The following ATP6V1H variants were observed in gnomAD, a reference collection of about 807,000 sequenced individuals.
ATP6V1H encodes the protein V-type proton ATPase subunit H.
A neutral mutation model predicts 71.7 loss-of-function variants in ATP6V1H; 39 were observed. That is an observed-to-expected ratio of 0.54 (90% CI 0.42 to 0.71). The LOEUF (loss-of-function observed/expected upper bound fraction) is 0.71, where lower values mean the gene tolerates loss of function less well. Ranked by LOEUF, ATP6V1H falls within the 30% of genes least tolerant of loss-of-function variation. ATP6V1H has a pLI of 0.00. For synonymous variants in ATP6V1H, 192 were observed against 199.3 expected (o/e 0.96, Z 0.31); for missense variants, 509 against 594.9 (o/e 0.86, Z 1.50).
chr8:53,793,510 T>A (rs998128391), intron 9 of ATP6V1H, among the ~76,000 whole-genome samples: 1 of 152,000 alleles, frequency 6.6e-6, no homozygotes, highest in Non-Finnish European at 1.5e-5. Context: ...CCAGGCTCGG[T>A]GGCATGCACC....
intron 11 of ATP6V1H, among the ~76,000 whole-genome samples, chr8:53,765,454 A>AACAC (rs59822523): frequency 1.6e-3 from 115 of 74,112 alleles, no homozygotes; most frequent in African/African-American, 4.0e-3. Flanking sequence ...CAACAACAAC[A>AACAC]ACACACACAC....
intron 13 of ATP6V1H, among the ~76,000 whole-genome samples, chr8:53,733,463 C>T (rs187254601): frequency 1.1e-4 from 16 of 152,304 alleles, no homozygotes; most frequent in African/African-American, 3.6e-4. Flanking sequence ...TGGGACACCC[C>T]ACAGCAACTG....
At chr8:53,780,233 T>C (rs1585778551) in intron 9 of ATP6V1H, among the ~76,000 whole-genome samples, 2 of 152,078 alleles carry the variant, frequency 1.3e-5, no homozygotes, top group Admixed American at 1.3e-4. Context: ...ATAACTAATG[T>C]AGAACAACCC....
Position 53,843,136 on chromosome 8 carries a change from T to C in ATP6V1H, c.-138A>G, listed in dbSNP as rs1302042873. The C allele has an allele frequency of 5.3e-5, 8 of 152,278 alleles. No homozygotes were observed. Among genetic ancestry groups the C allele is most frequent in the Admixed American group, 2.0e-4 (3 of 15,272 alleles). 9.4% of individuals were successfully genotyped at this position (152,278 alleles called of 1,614,324 possible). On this transcript the variant is annotated 5_prime_UTR_variant, in exon 1 of 14. Transcript: ENST00000359530. Reference sequence around the variant, plus strand: ...GCTGGGGCGCCGCGTCAGAGCCAAGTAGGCGTCTCCTGTCAGGTCCAGAGG... The same window carrying C: ...GCTGGGGCGCCGCGTCAGAGCCAAGCAGGCGTCTCCTGTCAGGTCCAGAGG...
intron 10 of ATP6V1H, among the ~76,000 whole-genome samples, 184 bp downstream of exon 10, chr8:53,771,805 T>C (rs144076088): frequency 3.3e-4 from 50 of 152,308 alleles, no homozygotes; most frequent in Non-Finnish European, 6.0e-4. Context: ...TAAGAAGAGA[T>C]AACACACAGT....
chr8:53,737,244 T>C (rs1807249433), intron 13 of ATP6V1H, among the ~76,000 whole-genome samples: 1 of 151,208 alleles, frequency 6.6e-6, no homozygotes. Flanking sequence ...GCACTGAAAT[T>C]GTGTGCTACG....
chr8:53,838,626 G>C (rs1585843992), intron 2 of ATP6V1H, among the ~76,000 whole-genome samples: 1 of 152,036 alleles, frequency 6.6e-6, no homozygotes, highest in South Asian at 2.1e-4. Context: ...TCATGAGCAA[G>C]GATGGCATTT....
chr8:53,819,747 G>GTA (rs1190878110), intron 4 of ATP6V1H, among the ~76,000 whole-genome samples: 1 of 141,166 alleles, frequency 7.1e-6, no homozygotes, highest in African/African-American at 2.6e-5. Flanking sequence ...TATAGTGTGT[G>GTA]TATATATACA....
At chr8:53,734,643 A>G (rs1319445700) in intron 13 of ATP6V1H, among the ~76,000 whole-genome samples, 1 of 152,240 alleles carries the variant, frequency 6.6e-6, no homozygotes, top group Non-Finnish European at 1.5e-5. Flanking sequence ...TGCAACTATT[A>G]GAAGCAGCGT....
chr8:53,765,227 C>A (rs1158725718), intron 11 of ATP6V1H, among the ~76,000 whole-genome samples: 1 of 151,842 alleles, frequency 6.6e-6, no homozygotes, highest in Non-Finnish European at 1.5e-5. Flanking sequence ...CATGGTGAAA[C>A]CCCGTCTCTA....
At chr8:53,743,415 A>G (rs528843521) in intron 13 of ATP6V1H, among the ~76,000 whole-genome samples, 162 bp downstream of exon 13, 25 of 152,326 alleles carry the variant, frequency 1.6e-4, no homozygotes, top group African/African-American at 4.6e-4. Flanking sequence ...TTATAAAACT[A>G]ATGTGTCATT....
intron 13 of ATP6V1H, among the ~76,000 whole-genome samples, chr8:53,731,410 G>C (rs1040518466): frequency 6.6e-6 from 1 of 152,202 alleles, no homozygotes; most frequent in East Asian, 1.9e-4. Context: ...GGCCTGGTCT[G>C]GTAGTTAAAA....
chr8:53,782,378 T>C (rs1252477234), intron 9 of ATP6V1H, among the ~76,000 whole-genome samples: 1 of 152,092 alleles, frequency 6.6e-6, no homozygotes, highest in Non-Finnish European at 1.5e-5. Flanking sequence ...TTGTGATTTT[T>C]GCACATTGAT....
At chr8:53,829,379 G>T in intron 4 of ATP6V1H, 65 bp downstream of exon 4, 1 of 946,974 alleles carries the variant, frequency 1.1e-6, no homozygotes, top group Non-Finnish European at 1.7e-6. Flanking sequence ...CACCAAAAAT[G>T]CTGCTACTGT....
intron 13 of ATP6V1H, among the ~76,000 whole-genome samples, chr8:53,733,297 G>A (rs1807089575): frequency 6.6e-6 from 1 of 152,136 alleles, no homozygotes; most frequent in Non-Finnish European, 1.5e-5. Flanking sequence ...GAAGATCCGG[G>A]GTCAGGTGTC....
intron 7 of ATP6V1H, among the ~76,000 whole-genome samples, chr8:53,807,311 A>T (rs1246885558): frequency 6.6e-6 from 1 of 152,160 alleles, no homozygotes; most frequent in East Asian, 1.9e-4. Context: ...AAAAAAACTA[A>T]GTCCTAGGCC....
chr8:53,779,471 G>A (rs1046539403), intron 9 of ATP6V1H, among the ~76,000 whole-genome samples: 1 of 150,326 alleles, frequency 6.7e-6, no homozygotes, highest in Non-Finnish European at 1.5e-5. Context: ...TTACATGCTT[G>A]TCTCCTTTAC....
intron 13 of ATP6V1H, among the ~76,000 whole-genome samples, chr8:53,740,166 T>C (rs1432639998): frequency 6.6e-6 from 1 of 152,226 alleles, no homozygotes. Flanking sequence ...TAACTCCTTA[T>C]AACAGAATCA....
intron 9 of ATP6V1H, among the ~76,000 whole-genome samples, chr8:53,790,769 C>T (rs1477455850): frequency 6.6e-6 from 1 of 152,168 alleles, no homozygotes; most frequent in African/African-American, 2.4e-5. Context: ...AAGACTCCTT[C>T]AGCTATTTAG....
Sources: allele counts gnomAD v4.1 joint callset (sites outside exome capture counted in the v4.1 genomes callset), GRCh38; gene constraint gnomAD v4.1.1; transcripts MANE v1.5; gene names NCBI Gene and HGNC (gene_info 2026-07-23, HGNC 2026-07-21).